HS6ST3: variants seen among roughly 807,000 people sequenced by gnomAD.
HS6ST3 encodes the protein heparan-sulfate 6-O-sulfotransferase 3.
In HS6ST3, 12 loss-of-function variants were observed where a neutral mutation model predicts 36.7. The ratio of observed to expected loss-of-function variants is 0.33; its 90% CI spans 0.21 to 0.53. The LOEUF is 0.53. HS6ST3 is among the 20% of genes least tolerant of loss of function. The pLI is 0.95. For synonymous variants in HS6ST3, 240 were observed against 257.5 expected (o/e 0.93, Z 0.65); for missense variants, 584 against 640.9 (o/e 0.91, Z 0.96).
At chr13:96,625,840 CTTT>C (rs879864974) in intron 1 of HS6ST3, among the ~76,000 whole-genome samples, 1 of 141,708 alleles carries the variant, frequency 7.1e-6, no homozygotes. Context: ...AATTCTTCTT[CTTT>C]TTTTTTTTTT....
At chr13:96,626,962 T>C (rs1594821614) in intron 1 of HS6ST3, among the ~76,000 whole-genome samples, 1 of 152,122 alleles carries the variant, frequency 6.6e-6, no homozygotes, top group Admixed American at 6.6e-5. Context: ...CTTTGTTTTG[T>C]ATGCTGTGAA....
chr13:96,176,495 G>A (rs961921951), intron 1 of HS6ST3, among the ~76,000 whole-genome samples: 16 of 151,066 alleles, frequency 1.1e-4, no homozygotes, highest in African/African-American at 3.9e-4. Flanking sequence ...CAGACCTTAG[G>A]TACCTTGTAA....
chr13:96,413,696 A>AT (rs1480003814), intron 1 of HS6ST3, among the ~76,000 whole-genome samples: 6 of 152,220 alleles, frequency 3.9e-5, no homozygotes, highest in Non-Finnish European at 7.3e-5. Context: ...TTTGATGGAC[A>AT]TTTAAGGCTT....
At chr13:96,227,692 C>T (rs902703480) in intron 1 of HS6ST3, among the ~76,000 whole-genome samples, 11 of 152,116 alleles carry the variant, frequency 7.2e-5, no homozygotes, top group Admixed American at 4.6e-4. Flanking sequence ...TTTTTTTCTG[C>T]ACAACATGGG....
chr13:96,145,001 T>A (rs2054050205), intron 1 of HS6ST3, among the ~76,000 whole-genome samples: 1 of 151,706 alleles, frequency 6.6e-6, no homozygotes, highest in East Asian at 1.9e-4. Context: ...GGCTACATAG[T>A]ATTCTGTGGT....
chr13:96,373,916 A>C (rs1405713425), intron 1 of HS6ST3, among the ~76,000 whole-genome samples: 2 of 152,176 alleles, frequency 1.3e-5, no homozygotes, highest in Admixed American at 1.3e-4. Flanking sequence ...TGTTAGTTTA[A>C]ATCTGCTTTC....
At chr13:96,456,968 A>G (rs905821700) in intron 1 of HS6ST3, among the ~76,000 whole-genome samples, 2 of 152,122 alleles carry the variant, frequency 1.3e-5, no homozygotes, top group African/African-American at 2.4e-5. Flanking sequence ...TACTATAGCA[A>G]TCCTTAGCAT....
At chr13:96,179,081 A>G (rs1356652026) in intron 1 of HS6ST3, among the ~76,000 whole-genome samples, 1 of 152,224 alleles carries the variant, frequency 6.6e-6, no homozygotes, top group Non-Finnish European at 1.5e-5. Context: ...GGGAAATACC[A>G]GACTCCACTA....
chr13:96,786,688 G>A (rs1390745721), intron 1 of HS6ST3, among the ~76,000 whole-genome samples: 2 of 151,800 alleles, frequency 1.3e-5, no homozygotes, highest in African/African-American at 4.8e-5. Context: ...ACAAATTTAG[G>A]ATAATTATAC....
chr13:96,804,974 CTA>C (rs1288261723), intron 1 of HS6ST3, among the ~76,000 whole-genome samples: 13 of 152,134 alleles, frequency 8.5e-5, no homozygotes, highest in South Asian at 2.1e-4. Context: ...GGTTGTAAAC[CTA>C]TATCTGAAAG....
chr13:96,308,990 G>T (rs1029333725), intron 1 of HS6ST3, among the ~76,000 whole-genome samples: 2 of 151,952 alleles, frequency 1.3e-5, no homozygotes, highest in Non-Finnish European at 2.9e-5. Flanking sequence ...CTCTATATTT[G>T]TACAAAATAT....
chr13:96,498,968 C>A (rs1367961131), intron 1 of HS6ST3, among the ~76,000 whole-genome samples: 2 of 151,838 alleles, frequency 1.3e-5, no homozygotes, highest in East Asian at 3.9e-4. Context: ...AATTTTCTAT[C>A]ATTCAGGTCA....
At chr13:96,328,538 A>T (rs2139418981) in intron 1 of HS6ST3, among the ~76,000 whole-genome samples, 1 of 152,018 alleles carries the variant, frequency 6.6e-6, no homozygotes, top group East Asian at 1.9e-4. Flanking sequence ...AGCCCACTTG[A>T]TCATGGTGGA....
At chr13:96,617,633 A>C (rs576133449) in intron 1 of HS6ST3, among the ~76,000 whole-genome samples, 97 of 152,218 alleles carry the variant, frequency 6.4e-4, no homozygotes, top group Non-Finnish European at 1.1e-3. Context: ...CTGTGGTTTC[A>C]TTCGAGGTAA....
intron 1 of HS6ST3, among the ~76,000 whole-genome samples, chr13:96,264,864 A>C (rs2054683993): frequency 6.6e-6 from 1 of 152,208 alleles, no homozygotes; most frequent in African/African-American, 2.4e-5. Flanking sequence ...GAAATTTGAA[A>C]ATAACTTTTT....
At chr13:96,480,004 T>C (rs1457983835) in intron 1 of HS6ST3, among the ~76,000 whole-genome samples, 1 of 152,080 alleles carries the variant, frequency 6.6e-6, no homozygotes, top group Non-Finnish European at 1.5e-5. Context: ...AGTGACAGGA[T>C]TGCTAAGAAG....
chr13:96,620,253 G>C (rs188377563), intron 1 of HS6ST3, among the ~76,000 whole-genome samples: 175 of 152,222 alleles, frequency 1.1e-3, no homozygotes, highest in Non-Finnish European at 2.2e-3. Context: ...ACACTTTGAT[G>C]GTTTTCTATT....
intron 1 of HS6ST3, among the ~76,000 whole-genome samples, chr13:96,390,227 C>A (rs2055388913): frequency 6.6e-6 from 1 of 152,074 alleles, no homozygotes; most frequent in South Asian, 2.1e-4. Context: ...GATCCTCTTC[C>A]ATTAGAAGCA....
intron 1 of HS6ST3, among the ~76,000 whole-genome samples, chr13:96,603,406 GTTCA>G (rs1447559924): frequency 6.6e-6 from 1 of 152,124 alleles, no homozygotes; most frequent in Non-Finnish European, 1.5e-5. Context: ...TCTTGTGGTA[GTTCA>G]TTCATTTTCA....
Sources: allele counts gnomAD v4.1 joint callset (sites outside exome capture counted in the v4.1 genomes callset), GRCh38; gene constraint gnomAD v4.1.1; transcripts MANE v1.5; gene names NCBI Gene and HGNC (gene_info 2026-07-23, HGNC 2026-07-21).